Variants in MSR1 observed in about 807,000 individuals in gnomAD.
MSR1 encodes the protein macrophage scavenger receptor types I and II.
A neutral mutation model predicts 47.2 loss-of-function variants in MSR1; 53 were observed. That is an observed-to-expected ratio of 1.12 (90% CI 0.90 to 1.41). The LOEUF (loss-of-function observed/expected upper bound fraction) is 1.41, where lower values mean the gene tolerates loss of function less well. Ranked by LOEUF, MSR1 falls within the 40% of genes most tolerant of loss-of-function variation. The probability of loss-of-function intolerance (pLI) is 0.00; values close to 1 mark genes in which losing one functional copy is unlikely to be tolerated. For synonymous variants in MSR1, 239 were observed against 185.6 expected, an observed-to-expected ratio of 1.29 and a Z score of -2.34; for missense variants, 786 against 546.9, an observed-to-expected ratio of 1.44 and a Z score of -4.36.
At chr8:16,181,470 T>TA (rs1296545956) in intron 1 of MSR1, among the ~76,000 whole-genome samples, 11 of 152,020 alleles carry the variant, frequency 7.2e-5, no homozygotes, top group Admixed American at 2.0e-4. Flanking sequence ...TATGCAGCCA[T>TA]AAAAAAGAGT....
At chr8:16,186,763 C>T (rs536415834) in intron 1 of MSR1, among the ~76,000 whole-genome samples, 1 of 151,962 alleles carries the variant, frequency 6.6e-6, no homozygotes, top group Non-Finnish European at 1.5e-5. Flanking sequence ...TCCTGAGTAG[C>T]TGGGTCTACG....
At chr8:16,122,446 A>G (rs1800026391) in intron 8 of MSR1, among the ~76,000 whole-genome samples, 1 of 152,172 alleles carries the variant, frequency 6.6e-6, no homozygotes, top group African/African-American at 2.4e-5. Flanking sequence ...AAAATCAGGC[A>G]TACTCAAACA....
chr8:16,180,862 T>A (rs771807374), intron 1 of MSR1, among the ~76,000 whole-genome samples: 10 of 152,150 alleles, frequency 6.6e-5, no homozygotes, highest in African/African-American at 9.7e-5. Flanking sequence ...GCTATGTTGA[T>A]CTGACCAAGG....
rs753450709 is a variant in MSR1, at chr8:16,120,556, T to TCC, written c.1082_1083dup (p.Arg362GlyfsTer54). On this transcript the variant is annotated frameshift_variant, in exon 9 of 10. Coordinates refer to ENST00000262101, the MANE Select transcript of MSR1 (RefSeq NM_138715.3). LOFTEE classifies it high-confidence loss of function. The stretch of plus-strand genomic sequence containing the variant: ...TGGCCGCTGTGGAGTATCTCCACCC[T>TCC]CCCCTCGTGAGGGCCGCTCCCACCG... 32 of 1,596,888 alleles carry TCC rather than the reference T, an allele frequency of 2.0e-5. No homozygotes were observed. The highest frequency in any genetic ancestry group is 2.6e-5 in the Non-Finnish European group (31 of 1,177,948).
At chr8:16,152,924 G>T (rs1025365819) in intron 6 of MSR1, among the ~76,000 whole-genome samples, 5 of 152,052 alleles carry the variant, frequency 3.3e-5, no homozygotes, top group Non-Finnish European at 5.9e-5. Context: ...AGTGAAAAGT[G>T]ATAGGTCATT....
intron 1 of MSR1, among the ~76,000 whole-genome samples, chr8:16,178,667 G>C (rs1801733648): frequency 6.6e-6 from 1 of 152,126 alleles, no homozygotes; most frequent in African/African-American, 2.4e-5. Context: ...CTAAATCCCT[G>C]AGGAATTGCC....
intron 5 of MSR1, among the ~76,000 whole-genome samples, chr8:16,156,155 A>G (rs2117148047): frequency 6.6e-6 from 1 of 152,062 alleles, no homozygotes; most frequent in South Asian, 2.1e-4. Flanking sequence ...AGAAAGAAAC[A>G]GAAAGAAACA....
At chr8:16,182,581 T>C (rs1318894338) in intron 1 of MSR1, among the ~76,000 whole-genome samples, 1 of 152,030 alleles carries the variant, frequency 6.6e-6, no homozygotes, top group African/African-American at 2.4e-5. Context: ...TTAATGTTTC[T>C]ACTTCTTTAA....
At chr8:16,187,364 CAAAAAAAAAAA>C (rs751848634) in intron 1 of MSR1, among the ~76,000 whole-genome samples, 1 of 35,416 alleles carries the variant, frequency 2.8e-5, no homozygotes, top group African/African-American at 1.2e-4. Flanking sequence ...ACTCTGTCTC[CAAAAAAAAAAA>C]AAAAAAAAAA....
chr8:16,167,536 C>A (rs903035417), intron 4 of MSR1, among the ~76,000 whole-genome samples: 1 of 152,026 alleles, frequency 6.6e-6, no homozygotes, highest in Non-Finnish European at 1.5e-5. Flanking sequence ...CAGAGTGAGA[C>A]TCCATCTCAA....
intron 3 of MSR1, among the ~76,000 whole-genome samples, chr8:16,173,293 G>A (rs937797073): frequency 6.6e-6 from 1 of 152,276 alleles, no homozygotes; most frequent in African/African-American, 2.4e-5. Context: ...TCTGCACTCT[G>A]CACGAGCCTA....
intron 5 of MSR1, among the ~76,000 whole-genome samples, chr8:16,161,984 T>C (rs190061549): frequency 6.3e-4 from 96 of 152,132 alleles, no homozygotes; most frequent in East Asian, 7.7e-4. Flanking sequence ...ATGAATTTCA[T>C]GTAAGTTACA....
chr8:16,170,982 T>A (rs898188200), intron 3 of MSR1, among the ~76,000 whole-genome samples: 8 of 152,086 alleles, frequency 5.3e-5, no homozygotes, highest in Non-Finnish European at 1.0e-4. Context: ...CTACCTTTAC[T>A]TAAAGAGGCT....
In MSR1 at chr8:16,166,282, C is replaced by T. The variant is rs533997063; in HGVS notation, c.631-2031G>A. 6.0e-5 allele frequency among the ~76,000 whole-genome samples: 9 copies of T among 148,946 alleles called. No individual in the cohort carries two copies. The East Asian group carries it at 1.6e-3, about 27-fold the overall frequency. On this transcript the variant is annotated intron_variant, in intron 4 of 9. Coordinates refer to ENST00000262101, the MANE Select transcript of MSR1 (RefSeq NM_138715.3). ...ACCTCCTGGGTTCAAGTGGTTCTCC[C>T]GAGTAGCTGGGATTACAGGTGCACA... is the stretch of plus-strand genomic sequence containing the variant.
chr8:16,120,736 A>G, intron 8 of MSR1, 130 bp from the exon 9 acceptor site: 5 of 1,103,170 alleles, frequency 4.5e-6, no homozygotes, highest in Non-Finnish European at 5.1e-6. Flanking sequence ...AACTTCAACT[A>G]TTGGAATAAA....
intron 1 of MSR1, among the ~76,000 whole-genome samples, chr8:16,180,358 C>T (rs1365036699): frequency 6.6e-6 from 1 of 152,114 alleles, no homozygotes; most frequent in East Asian, 1.9e-4. Context: ...TAAAAAGAAA[C>T]TGATGGGCCT....
intron 8 of MSR1, among the ~76,000 whole-genome samples, chr8:16,121,875 G>A (rs1014251776): frequency 6.6e-6 from 1 of 151,706 alleles, no homozygotes; most frequent in Non-Finnish European, 1.5e-5. Context: ...AATTCATTTT[G>A]TTAGAACGGT....
intron 4 of MSR1, among the ~76,000 whole-genome samples, chr8:16,165,715 T>G: frequency 6.6e-6 from 1 of 152,216 alleles, no homozygotes; most frequent in African/African-American, 2.4e-5. Context: ...CTAGACAAGC[T>G]TAGGTGAGAG....
At chr8:16,113,473 T>G (rs1563136409) in intron 9 of MSR1, among the ~76,000 whole-genome samples, 1 of 152,186 alleles carries the variant, frequency 6.6e-6, no homozygotes, top group Admixed American at 6.5e-5. Flanking sequence ...TTTTCATTAT[T>G]TCTAGTCATG....
Sources: allele counts gnomAD v4.1 joint callset (sites outside exome capture counted in the v4.1 genomes callset), GRCh38; gene constraint gnomAD v4.1.1; transcripts MANE v1.5; gene names NCBI Gene and HGNC (gene_info 2026-07-23, HGNC 2026-07-21).